Variants in ARID1B observed in about 807,000 individuals in gnomAD.
ARID1B encodes AT-rich interaction domain 1B.
A neutral mutation model predicts 212.3 loss-of-function variants in ARID1B; 30 were observed. That is an observed-to-expected ratio of 0.14 (90% CI 0.11 to 0.19). The LOEUF (loss-of-function observed/expected upper bound fraction) is 0.19. Ranked by LOEUF, ARID1B falls within the 10% of genes least tolerant of loss-of-function variation. The probability of loss-of-function intolerance (pLI) is 1.00; values close to 1 mark genes in which losing one functional copy is unlikely to be tolerated. For missense variants in ARID1B, 2,891 were observed against 3,204.0 expected, an observed-to-expected ratio of 0.90 and a Z score of 2.36; for synonymous variants, 1,402 against 1,301.7, an observed-to-expected ratio of 1.08 and a Z score of -1.66.
intron 4 of ARID1B, among the ~76,000 whole-genome samples, chr6:156,948,273 G>A (rs893027210): frequency 1.3e-5 from 2 of 152,000 alleles, no homozygotes; most frequent in Admixed American, 6.6e-5. Context: ...TGTCACCTAC[G>A]CTGGAGTGCA....
chr6:156,900,615 GC>G (rs1294924753), intron 2 of ARID1B, among the ~76,000 whole-genome samples: 1 of 152,088 alleles, frequency 6.6e-6, no homozygotes, highest in African/African-American at 2.4e-5. Context: ...ACAGAAAAAG[GC>G]AATAGATTTC....
chr6:157,188,806 T>A (rs1793159024), intron 13 of ARID1B, among the ~76,000 whole-genome samples: 1 of 152,212 alleles, frequency 6.6e-6, no homozygotes, highest in Non-Finnish European at 1.5e-5. Context: ...TCTGGCGTGC[T>A]AAGGACTGCA....
In ARID1B at chr6:156,883,151, T is replaced by C. The variant is rs899836898; in HGVS notation, c.1987-18225T>C. Among the ~76,000 whole-genome samples the C allele has an allele frequency of 3.3e-5, 5 of 152,266 alleles. No individual in the cohort carries two copies. In the East Asian group the frequency reaches 7.7e-4, roughly 23 times the overall value. The stretch of plus-strand genomic sequence containing the variant: ...GACAGCATCTTACTTCGGGGCTCTC[T>C]CCCTGCATCAAATCTTCCTCGTCAG... On this transcript the variant is annotated intron_variant, in intron 2 of 19. Transcript: ENST00000636930.
chr6:157,131,955 C>G (rs959182526), intron 6 of ARID1B, among the ~76,000 whole-genome samples: 1 of 152,238 alleles, frequency 6.6e-6, no homozygotes, highest in African/African-American at 2.4e-5. Flanking sequence ...TCCCAGAGAG[C>G]TGGGATTACA....
intron 2 of ARID1B, among the ~76,000 whole-genome samples, chr6:156,862,600 T>C (rs1412075996): frequency 1.3e-5 from 2 of 151,604 alleles, no homozygotes; most frequent in African/African-American, 4.8e-5. Flanking sequence ...CAGGGAGAAA[T>C]AAGGATTAAG....
At chr6:156,825,550 AAGATGAATTTGCTGCACTGTTATCTAT>A (rs1249097570) in intron 1 of ARID1B, among the ~76,000 whole-genome samples, 1 of 152,266 alleles carries the variant, frequency 6.6e-6, no homozygotes, top group African/African-American at 2.4e-5. Flanking sequence ...AGTCACTGAT[AAGATGAATTTGCTGCACTGTTATCTAT>A]AGCATTAAAA....
At chr6:157,138,110 C>T (rs186083166) in intron 7 of ARID1B, among the ~76,000 whole-genome samples, 45 of 152,260 alleles carry the variant, frequency 3.0e-4, no homozygotes, top group Admixed American at 2.7e-3. Flanking sequence ...AGTTGTGGGG[C>T]CCCTGGCTAC....
At chr6:156,824,353 C>G (rs1038162593) in intron 1 of ARID1B, among the ~76,000 whole-genome samples, 2 of 152,170 alleles carry the variant, frequency 1.3e-5, no homozygotes, top group Non-Finnish European at 2.9e-5. Context: ...TGAAAACATG[C>G]TCGGACAATC....
At chr6:156,889,189 A>G (rs1787741568) in intron 2 of ARID1B, among the ~76,000 whole-genome samples, 1 of 152,226 alleles carries the variant, frequency 6.6e-6, no homozygotes, top group African/African-American at 2.4e-5. Context: ...TATACACTGG[A>G]AATATGCTAT....
At chr6:156,899,764 A>G (rs1788772814) in intron 2 of ARID1B, among the ~76,000 whole-genome samples, 1 of 152,102 alleles carries the variant, frequency 6.6e-6, no homozygotes, top group Non-Finnish European at 1.5e-5. Flanking sequence ...CAACACTTCC[A>G]TATTGTGTGT....
intron 6 of ARID1B, among the ~76,000 whole-genome samples, chr6:157,118,441 T>C (rs908638847): frequency 5.3e-5 from 8 of 152,178 alleles, no homozygotes; most frequent in African/African-American, 1.9e-4. Context: ...AGTTTATAGA[T>C]CACCCCGGTA....
rs146264877 is a variant in ARID1B, at chr6:157,114,619, T to G, written c.2581+4058T>G. ...ACATTGCTTCTGTACTGCTGAGTGC[T>G]GAAATAACCACATTGAACAGTTCTG... On this transcript the variant is annotated intron_variant, in intron 6 of 19. Coordinates refer to ENST00000636930, the MANE Select transcript of ARID1B (RefSeq NM_001374828.1). Among the ~76,000 whole-genome samples, 786 of 151,350 alleles carry G rather than the reference T, an allele frequency of 5.2e-3. 7 individuals carry two copies. The highest frequency in any genetic ancestry group is 0.025 in the South Asian group (119 of 4,778).
chr6:156,848,344 A>AGTCAAGT (rs1480378177), intron 2 of ARID1B, among the ~76,000 whole-genome samples: 1 of 152,246 alleles, frequency 6.6e-6, no homozygotes, highest in East Asian at 1.9e-4. Context: ...TTATAACAAA[A>AGTCAAGT]GTCAAGTCTG....
chr6:157,032,797 A>G (rs578232376), intron 4 of ARID1B, among the ~76,000 whole-genome samples: 13 of 152,312 alleles, frequency 8.5e-5, no homozygotes, highest in Admixed American at 6.5e-4. Flanking sequence ...AAAATATTCT[A>G]AGTACATCAA....
At chr6:157,091,654 G>A (rs928486044) in intron 5 of ARID1B, among the ~76,000 whole-genome samples, 10 of 152,170 alleles carry the variant, frequency 6.6e-5, no homozygotes, top group African/African-American at 2.4e-4. Flanking sequence ...AACAATGGAG[G>A]ATGCAAACCA....
intron 1 of ARID1B, among the ~76,000 whole-genome samples, chr6:156,790,134 T>C (rs1422311205): frequency 6.6e-6 from 1 of 152,240 alleles, no homozygotes; most frequent in African/African-American, 2.4e-5. Flanking sequence ...TATTGAGCAA[T>C]TCTAAAATGT....
chr6:157,066,844 A>G (rs951303937), intron 4 of ARID1B, among the ~76,000 whole-genome samples: 1 of 152,194 alleles, frequency 6.6e-6, no homozygotes, highest in African/African-American at 2.4e-5. Flanking sequence ...CTGATAGAGT[A>G]CAGTTTTTTA....
chr6:157,164,580 A>G (rs1490175963), intron 8 of ARID1B: 1 of 152,212 alleles, frequency 6.6e-6, no homozygotes, highest in Non-Finnish European at 1.5e-5. Context: ...GCCTTTTTTC[A>G]AGAATAAAAA....
chr6:156,826,599 G>A (rs1782756135), intron 1 of ARID1B, among the ~76,000 whole-genome samples: 1 of 152,124 alleles, frequency 6.6e-6, no homozygotes, highest in Non-Finnish European at 1.5e-5. Context: ...TGGAGTGGGA[G>A]TGCCAGTGGA....
Sources: allele counts gnomAD v4.1 joint callset (sites outside exome capture counted in the v4.1 genomes callset), GRCh38; gene constraint gnomAD v4.1.1; transcripts MANE v1.5; gene names NCBI Gene and HGNC (gene_info 2026-07-23, HGNC 2026-07-21).